The following BAIAP2 variants were observed in gnomAD, a reference collection of about 807,000 sequenced individuals.
BAIAP2 encodes the protein BAR/IMD domain containing adaptor protein 2, also known as BAR/IMD domain-containing adapter protein 2.
A neutral mutation model predicts 63.0 loss-of-function variants in BAIAP2; 18 were observed. That is an observed-to-expected ratio of 0.29 (90% CI 0.20 to 0.42). The LOEUF is 0.42. BAIAP2 is among the 10% of genes least tolerant of loss of function. The probability of loss-of-function intolerance (pLI) is 1.00; values close to 1 mark genes in which losing one functional copy is unlikely to be tolerated. For missense variants in BAIAP2, 610 were observed against 734.3 expected (o/e 0.83, Z 1.96); for synonymous variants, 386 against 307.6 (o/e 1.25, Z -2.67).
At chr17:81,064,108 C>T (rs2051055111) in intron 3 of BAIAP2, among the ~76,000 whole-genome samples, 1 of 152,244 alleles carries the variant, frequency 6.6e-6, no homozygotes, top group Non-Finnish European at 1.5e-5. Context: ...CCAGGGTTGC[C>T]AGGCAAGCAG....
At chr17:81,070,796 T>C (rs868671701) in intron 3 of BAIAP2, among the ~76,000 whole-genome samples, 6 of 151,884 alleles carry the variant, frequency 4.0e-5, no homozygotes, top group Admixed American at 6.6e-5. Context: ...ACGCTGGGAG[T>C]GTGTGAGCAG....
In BAIAP2 at chr17:81,116,436, TCCCC is replaced by T; in HGVS notation, c.*598_*601del. 8.2e-7 allele frequency: 1 copy of T among 1,225,594 alleles called. No individual in the cohort carries two copies. Among genetic ancestry groups the T allele is most frequent in the Non-Finnish European group, 1.1e-6 (1 of 885,988 alleles). The allele number at this position is 1,225,594 out of a possible 1,614,324, so 75.9% of individuals were successfully genotyped here. On this transcript the variant is annotated 3_prime_UTR_variant, in exon 14 of 14. Transcript: ENST00000428708. ...TCCCACTGGCAATGTCACAAGGGCC[TCCCC>T]AGGCCCCTCCTGCCTCGGGCAGGCC...
intron 1 of BAIAP2, among the ~76,000 whole-genome samples, chr17:81,042,816 G>T (rs1038763116): frequency 2.6e-5 from 4 of 152,168 alleles, no homozygotes; most frequent in African/African-American, 7.2e-5. Context: ...AGCTTGGTCT[G>T]GGTGGATGCT....
intron 3 of BAIAP2, among the ~76,000 whole-genome samples, chr17:81,080,259 T>TAAGTGCTGGTGGCC (rs2054374916): frequency 6.6e-6 from 1 of 152,242 alleles, no homozygotes; most frequent in Admixed American, 6.5e-5. Flanking sequence ...CCCTGGGGGT[T>TAAGTGCTGGTGGCC]AAGTGCTGGT....
At chr17:81,037,791 A>G (rs1196463780) in intron 1 of BAIAP2, among the ~76,000 whole-genome samples, 1 of 152,242 alleles carries the variant, frequency 6.6e-6, no homozygotes, top group Admixed American at 6.5e-5. Context: ...CATCGCCTTA[A>G]CTGCAGTTCT....
At chr17:81,085,533 C>A in intron 4 of BAIAP2, 121 bp from the exon 5 acceptor site, 1 of 806,688 alleles carries the variant, frequency 1.2e-6, no homozygotes, top group Non-Finnish European at 2.1e-6. Context: ...GGGGAGGGGG[C>A]CCCTCCTGCA....
chr17:81,114,888 C>G (rs900300116), intron 13 of BAIAP2, among the ~76,000 whole-genome samples: 1 of 152,288 alleles, frequency 6.6e-6, no homozygotes, highest in East Asian at 1.9e-4. Context: ...TGATTCTGCT[C>G]CAGGTAATGG....
chr17:81,054,598 G>A (rs556735864), intron 2 of BAIAP2, among the ~76,000 whole-genome samples: 1 of 152,288 alleles, frequency 6.6e-6, no homozygotes, highest in East Asian at 1.9e-4. Flanking sequence ...TAGAAACTGT[G>A]GGATCAGGGC....
chr17:81,035,229 C>A lies in BAIAP2; in HGVS notation c.-26C>A. The A allele has an allele frequency of 1.3e-6, 2 of 1,486,402 alleles. No homozygotes were observed. Among genetic ancestry groups the A allele is most frequent in the Admixed American group, 2.1e-5 (1 of 48,536 alleles). The allele number at this position is 1,486,402 out of a possible 1,614,324, so 92.1% of individuals were successfully genotyped here. A position where few individuals can be genotyped will look rare whatever the true frequency, so the allele number is the denominator to read the frequency against. On this transcript the variant is annotated 5_prime_UTR_variant, in exon 1 of 14. It adds an upstream start codon to the 5' untranslated region. Coordinates refer to ENST00000428708, the MANE Select transcript of BAIAP2 (RefSeq NM_001144888.2). ...CGCCGCTTGCGTCCCCCGCTCCGGTCTGTGGTGCAGCCGGGACCCAGGACC... is the reference window on the plus strand; with the variant it reads ...CGCCGCTTGCGTCCCCCGCTCCGGTATGTGGTGCAGCCGGGACCCAGGACC...
intron 1 of BAIAP2, among the ~76,000 whole-genome samples, chr17:81,050,133 A>C (rs1161913761): frequency 6.6e-6 from 1 of 152,198 alleles, no homozygotes; most frequent in Non-Finnish European, 1.5e-5. Context: ...AGGGCTCCAC[A>C]GAAGGCCTCT....
chr17:81,040,380 G>A (rs889116546), intron 1 of BAIAP2, among the ~76,000 whole-genome samples: 2 of 152,220 alleles, frequency 1.3e-5, no homozygotes, highest in Admixed American at 6.5e-5. Context: ...TGCTGGCACC[G>A]GCCTCCAACG....
chr17:81,101,573 C>T (rs753099633), intron 7 of BAIAP2, among the ~76,000 whole-genome samples: 7 of 152,176 alleles, frequency 4.6e-5, no homozygotes, highest in Admixed American at 1.3e-4. Context: ...CAGGGATCCA[C>T]GGGCTATACC....
intron 2 of BAIAP2, 56 bp from the exon 3 acceptor site, chr17:81,057,825 G>T: frequency 6.4e-7 from 1 of 1,568,098 alleles, no homozygotes. Context: ...GTTTTTGCTG[G>T]GGGTCTTGTC....
chr17:81,099,165 G>GGTCTTGCTGTCCCCGTGGACGCTA (rs2058142531), intron 6 of BAIAP2, among the ~76,000 whole-genome samples: 1 of 152,204 alleles, frequency 6.6e-6, no homozygotes, highest in African/African-American at 2.4e-5. Flanking sequence ...CGTGGACGCT[G>GGTCTTGCTGTCCCCGTGGACGCTA]GTCTTGCTTT....
At chr17:81,106,671 C>A in intron 11 of BAIAP2, 74 bp from the exon 12 acceptor site, 2 of 1,578,978 alleles carry the variant, frequency 1.3e-6, no homozygotes, top group Non-Finnish European at 1.7e-6. Flanking sequence ...GCGGGCAGTC[C>A]AGGGAGCCAC....
intron 11 of BAIAP2, among the ~76,000 whole-genome samples, chr17:81,106,485 A>G (rs182324163): frequency 3.4e-4 from 51 of 152,228 alleles, no homozygotes; most frequent in African/African-American, 1.2e-3. Flanking sequence ...AGCGGGGTAC[A>G]TGGCTACTGG....
intron 7 of BAIAP2, 33 bp from the exon 8 acceptor site, chr17:81,103,469 C>T: frequency 1.3e-6 from 2 of 1,535,426 alleles, no homozygotes; most frequent in Non-Finnish European, 1.7e-6. Context: ...TGAGCCGGCC[C>T]TGACCCCTCC....
At chr17:81,056,203 C>T (rs549310120) in intron 2 of BAIAP2, among the ~76,000 whole-genome samples, 1 of 152,310 alleles carries the variant, frequency 6.6e-6, no homozygotes, top group East Asian at 1.9e-4. Context: ...CCCATGATCT[C>T]TAGGCACAGC....
intron 1 of BAIAP2, among the ~76,000 whole-genome samples, chr17:81,039,082 T>G (rs1443106154): frequency 1.3e-5 from 2 of 152,260 alleles, no homozygotes; most frequent in Admixed American, 1.3e-4. Flanking sequence ...TGGCTGGGTC[T>G]GCTGTCACTG....
Sources: gnomAD v4.1 joint callset for allele counts (sites outside exome capture counted in the v4.1 genomes callset) on GRCh38, gnomAD v4.1.1 for gene constraint, MANE v1.5 for transcripts, NCBI Gene and HGNC (gene_info 2026-07-23, HGNC 2026-07-21) for gene names.